C4orf46: variants seen among roughly 807,000 people sequenced by gnomAD.
C4orf46 encodes renal cancer differentiation gene 1 protein.
C4orf46 carries 8 observed loss-of-function variants against 9.1 expected under a neutral mutation model. The observed-to-expected ratio is 0.88, with a 90% confidence interval of 0.52 to 1.59. C4orf46 has a LOEUF of 1.59. C4orf46 is among the 40% of genes most tolerant of loss of function. C4orf46 has a pLI of 0.00. For missense variants in C4orf46, 151 were observed against 139.1 expected (o/e 1.09, Z -0.43); for synonymous variants, 51 against 58.8 (o/e 0.87, Z 0.61).
rs373406193 is a variant in C4orf46 at position 158,671,670 on chromosome 4, C to A, written c.132G>T (p.Arg44Ser). Residue 44 changes from arginine (R) to serine (S), a missense_variant, in exon 1 of 2, where the codon AGG becomes AGT. Coordinates refer to ENST00000379205, the MANE Select transcript of C4orf46 (RefSeq NM_001008393.4). Reference sequence around the variant, plus strand: ...GCTGGTCCACCGTTGGGCCGCTGCTCCTGCTCGGAACTGGCCAGCCCAAAC... The same window carrying A: ...GCTGGTCCACCGTTGGGCCGCTGCTACTGCTCGGAACTGGCCAGCCCAAAC... ...PVSLGWPVPS[R>S]SSGPTVDQLE... 1 of 1,609,104 alleles carries A rather than the reference C, an allele frequency of 6.2e-7. No individual in the cohort carries two copies. Among genetic ancestry groups the A allele is most frequent in the Non-Finnish European group, 8.5e-7 (1 of 1,177,228 alleles).
rs1773441543 is a variant in C4orf46 at position 158,668,662 on chromosome 4, G to T, written c.*951C>A. 1 of 152,148 alleles carries T rather than the reference G, an allele frequency of 6.6e-6. No individual in the cohort carries two copies. The highest frequency in any genetic ancestry group is 2.1e-4 in the South Asian group (1 of 4,830). 9.4% of individuals were successfully genotyped at this position (152,148 alleles called of 1,614,324 possible). A position where few individuals can be genotyped will look rare whatever the true frequency, so the allele number is the denominator to read the frequency against. On this transcript the variant is annotated 3_prime_UTR_variant, in exon 2 of 2. Transcript: ENST00000379205. ...TCACATCATTTAAATTTGATGCATT[G>T]CAAACAAAGTAACTTCTTTAGAATT...
In C4orf46 at chr4:158,671,695, C is replaced by G. The variant is rs1431310877; in HGVS notation, c.107G>C (p.Ser36Thr). ...CCTGCTCGGAACTGGCCAGCCCAAACTCACTGGGCCGCCCGGGGAAGATGC... is the reference window on the plus strand; with the variant it reads ...CCTGCTCGGAACTGGCCAGCCCAAAGTCACTGGGCCGCCCGGGGAAGATGC... ...SAASSPGGPVSLGWPVPSRSS... is the reference protein window; with the variant it reads ...SAASSPGGPVTLGWPVPSRSS... Residue 36 changes from serine (S) to threonine (T), a missense_variant, in exon 1 of 2, where the codon AGT becomes ACT. Coordinates refer to ENST00000379205, the MANE Select transcript of C4orf46 (RefSeq NM_001008393.4). 1 of 1,611,998 alleles carries G rather than the reference C, an allele frequency of 6.2e-7. No individual in the cohort carries two copies. Among genetic ancestry groups the G allele is most frequent in the Non-Finnish European group, 8.5e-7 (1 of 1,179,140 alleles).
Position 158,670,117 on chromosome 4 carries a change from G to A in C4orf46, c.187-349C>T, listed in dbSNP as rs563776914. Among the ~76,000 whole-genome samples, 15 of 134,080 alleles carry A rather than the reference G, an allele frequency of 1.1e-4. No homozygotes were observed. In the South Asian group the frequency reaches 2.3e-3, roughly 21 times the overall value. The allele number at this position is 134,080 out of a possible 152,430, so 88.0% of individuals were successfully genotyped here. A position where few individuals can be genotyped will look rare whatever the true frequency, so the allele number is the denominator to read the frequency against. On this transcript the variant is annotated intron_variant, in intron 1 of 1. Transcript: ENST00000379205. ...TGGTTCACTGCAACCTCCGCCTCCC[G>A]GGTTCAAGTGATTCTCCTGCCTCAG...
Position 158,671,664 on chromosome 4 carries a change from G to C in C4orf46, c.138C>G (p.Ser46Arg). ...CCTCCAGCTGGTCCACCGTTGGGCC[G>C]CTGCTCCTGCTCGGAACTGGCCAGC... is the stretch of plus-strand genomic sequence containing the variant. ...SLGWPVPSRS[S>R]GPTVDQLEEV... The change falls in exon 1 of 2, where the codon AGC (serine) becomes AGG (arginine). Residue 46 changes from serine to arginine, a missense_variant. Physicochemically the swap from Ser to Arg is moderately radical, Grantham distance 110. Coordinates refer to ENST00000379205, the MANE Select transcript of C4orf46 (RefSeq NM_001008393.4). 1 of 1,602,842 alleles carries C rather than the reference G, an allele frequency of 6.2e-7. No individual in the cohort carries two copies. Among genetic ancestry groups the C allele is most frequent in the Non-Finnish European group, 8.5e-7 (1 of 1,173,522 alleles).
At chr4:158,671,526 G>T (rs1773546208) in intron 1 of C4orf46, 90 bp downstream of exon 1, 2 of 1,315,838 alleles carry the variant, frequency 1.5e-6, no homozygotes, top group Non-Finnish European at 2.0e-6. Context: ...CATGGGGGTT[G>T]GGGGACCGAT....
chr4:158,670,653 A>C (rs1324572888), intron 1 of C4orf46, among the ~76,000 whole-genome samples: 1 of 152,250 alleles, frequency 6.6e-6, no homozygotes, highest in African/African-American at 2.4e-5. Flanking sequence ...ATAACACATT[A>C]GCACTTCATT....
chr4:158,666,923 T>TCTACA lies in C4orf46; in HGVS notation c.*2689_*2690insTGTAG, dbSNP rs1327925340. The stretch of plus-strand genomic sequence containing the variant: ...GTTTCTTGTTTGTAGATTCCTCTGG[T>TCTACA]GCTGTCTCAGCTGATTAGAGCCATC... On this transcript the variant is annotated 3_prime_UTR_variant, in exon 2 of 2. Coordinates refer to ENST00000379205, the MANE Select transcript of C4orf46 (RefSeq NM_001008393.4). 2 of 152,238 alleles carry TCTACA rather than the reference T, an allele frequency of 1.3e-5. No individual in the cohort carries two copies. The allele number at this position is 152,238 out of a possible 1,614,324, so 9.4% of individuals were successfully genotyped here.
rs2150297007 is a variant in C4orf46 at position 158,666,844 on chromosome 4, T to C, written c.*2769A>G. 6.6e-6 allele frequency: 1 copy of C among 152,336 alleles called. No individual in the cohort carries two copies. The highest frequency in any genetic ancestry group is 2.1e-4 in the South Asian group (1 of 4,830). The allele number at this position is 152,336 out of a possible 1,614,324, so 9.4% of individuals were successfully genotyped here. ...GTGACAAGACGAAGGAAAGCAGTTT[T>C]AGGCTTCCAGAGGCAGAAACTGTGG... On this transcript the variant is annotated 3_prime_UTR_variant, in exon 2 of 2. Coordinates refer to ENST00000379205, the MANE Select transcript of C4orf46 (RefSeq NM_001008393.4).
rs1396273744 is a variant in C4orf46 at position 158,669,736 on chromosome 4, G to A, written c.219C>T (p.Ala73=). The A allele has an allele frequency of 6.2e-7, 1 of 1,608,288 alleles. No individual in the cohort carries two copies. ...AAFSLTKLLE[A]TSAVSAQVEE... is the part of the protein sequence containing the mutation. ...CCACTTGAGCTGATACTGCAGATGT[G>A]GCTTCAAGAAGTTTGGTTAATGAAA... The change falls in exon 2 of 2, where the codon GCC becomes GCT. Residue 73 remains alanine (A), a synonymous_variant. Transcript: ENST00000379205.
chr4:158,670,352 T>C (rs989669517), intron 1 of C4orf46, among the ~76,000 whole-genome samples: 4 of 152,132 alleles, frequency 2.6e-5, no homozygotes, highest in Non-Finnish European at 4.4e-5. Flanking sequence ...GAAAATACAC[T>C]AGAGTCTCAG....
Position 158,667,637 on chromosome 4 carries a change from G to T in C4orf46, c.*1976C>A, listed in dbSNP as rs1773414883. 1 of 151,844 alleles carries T rather than the reference G, an allele frequency of 6.6e-6. No homozygotes were observed. The highest frequency in any genetic ancestry group is 6.6e-5 in the Admixed American group (1 of 15,222). The allele number at this position is 151,844 out of a possible 1,614,324, so 9.4% of individuals were successfully genotyped here. A position where few individuals can be genotyped will look rare whatever the true frequency, so the allele number is the denominator to read the frequency against. On this transcript the variant is annotated 3_prime_UTR_variant, in exon 2 of 2. Transcript: ENST00000379205. ...AGGATTGTTTGAGTCCAAGTTTAAG[G>T]TTACAGTGAGCTATGATCCTGCCAC...
Position 158,671,751 on chromosome 4 carries a change from G to A in C4orf46, c.51C>T (p.Pro17=), listed in dbSNP as rs1773559887. 6.4e-7 allele frequency: 1 copy of A among 1,573,102 alleles called. No individual in the cohort carries two copies. Among genetic ancestry groups the A allele is most frequent in the Non-Finnish European group, 8.6e-7 (1 of 1,159,756 alleles). The change falls in exon 1 of 2, where the codon CCC becomes CCT. Residue 17 remains proline, a synonymous_variant. Transcript: ENST00000379205. ...LQVSSPPPPP[P]SSPSSSDASA... Reference sequence around the variant, plus strand: ...AGGCGTCTGAAGAGGAGGGAGAAGAGGGAGGCGGCGGGGGCGGCGAAGAAA... The same window carrying A: ...AGGCGTCTGAAGAGGAGGGAGAAGAAGGAGGCGGCGGGGGCGGCGAAGAAA...
rs1773405555 is a variant in C4orf46, at chr4:158,667,342, A to C, written c.*2271T>G. Reference sequence around the variant, plus strand: ...AATTTTGTAACTTTTGGAAGGCTGAATAGGACTATTTTTATGACATTTCCT... The same window carrying C: ...AATTTTGTAACTTTTGGAAGGCTGACTAGGACTATTTTTATGACATTTCCT... On this transcript the variant is annotated 3_prime_UTR_variant, in exon 2 of 2. Coordinates refer to ENST00000379205, the MANE Select transcript of C4orf46 (RefSeq NM_001008393.4). The C allele has an allele frequency of 6.6e-6, 1 of 152,250 alleles. No individual in the cohort carries two copies. Among genetic ancestry groups the C allele is most frequent in the South Asian group, 2.1e-4 (1 of 4,834 alleles). 9.4% of individuals were successfully genotyped at this position (152,250 alleles called of 1,614,324 possible). A position where few individuals can be genotyped will look rare whatever the true frequency, so the allele number is the denominator to read the frequency against.
rs1415937004 is a variant in C4orf46, at chr4:158,671,809, G to A, written c.-8C>T. The A allele has an allele frequency of 6.6e-7, 1 of 1,503,884 alleles. No individual in the cohort carries two copies. Among genetic ancestry groups the A allele is most frequent in the Admixed American group, 2.3e-5 (1 of 43,266 alleles). The allele number at this position is 1,503,884 out of a possible 1,614,324, so 93.2% of individuals were successfully genotyped here. A position where few individuals can be genotyped will look rare whatever the true frequency, so the allele number is the denominator to read the frequency against. ...CTCCTCAGGGTCGGCCATGGGGAAG[G>A]GTTGGGACCGCGGAATCCGACCCGA... is the stretch of plus-strand genomic sequence containing the variant. On this transcript the variant is annotated 5_prime_UTR_variant, in exon 1 of 2. Transcript: ENST00000379205.
At position 158,667,968 on chromosome 4, in the gene C4orf46, T is replaced by A. The variant is rs1773425351; in HGVS notation, c.*1645A>T. On this transcript the variant is annotated 3_prime_UTR_variant, in exon 2 of 2. Coordinates refer to ENST00000379205, the MANE Select transcript of C4orf46 (RefSeq NM_001008393.4). ...TATTATGCCCCCTCTAGTGGTTACCTCTGGGGACTCTGGGGAGGGAGGAAC... is the reference window on the plus strand; with the variant it reads ...TATTATGCCCCCTCTAGTGGTTACCACTGGGGACTCTGGGGAGGGAGGAAC... 1 of 152,184 alleles carries A rather than the reference T, an allele frequency of 6.6e-6. No individual in the cohort carries two copies. The highest frequency in any genetic ancestry group is 1.5e-5 in the Non-Finnish European group (1 of 68,032). The allele number at this position is 152,184 out of a possible 1,614,324, so 9.4% of individuals were successfully genotyped here.
chr4:158,668,491 T>C lies in C4orf46; in HGVS notation c.*1122A>G, dbSNP rs1244477290. On this transcript the variant is annotated 3_prime_UTR_variant, in exon 2 of 2. Coordinates refer to ENST00000379205, the MANE Select transcript of C4orf46 (RefSeq NM_001008393.4). Reference sequence around the variant, plus strand: ...TCTCCATATCTACAAAGAATTAAGATGTTGTATCAAAAATGTCCAGAAGTT... The same window carrying C: ...TCTCCATATCTACAAAGAATTAAGACGTTGTATCAAAAATGTCCAGAAGTT... 6.6e-6 allele frequency: 1 copy of C among 152,570 alleles called. No homozygotes were observed. The highest frequency in any genetic ancestry group is 2.4e-5 in the African/African-American group (1 of 41,466). 9.5% of individuals were successfully genotyped at this position (152,570 alleles called of 1,614,324 possible).
In C4orf46 at chr4:158,671,805, G is replaced by C; in HGVS notation, c.-4C>G. 6.5e-7 allele frequency: 1 copy of C among 1,533,316 alleles called. No individual in the cohort carries two copies. Among genetic ancestry groups the C allele is most frequent in the Non-Finnish European group, 8.8e-7 (1 of 1,137,612 alleles). 95.0% of individuals were successfully genotyped at this position (1,533,316 alleles called of 1,614,324 possible). On this transcript the variant is annotated 5_prime_UTR_variant, in exon 1 of 2. Coordinates refer to ENST00000379205, the MANE Select transcript of C4orf46 (RefSeq NM_001008393.4). ...GCAACTCCTCAGGGTCGGCCATGGGGAAGGGTTGGGACCGCGGAATCCGAC... is the reference window on the plus strand; with the variant it reads ...GCAACTCCTCAGGGTCGGCCATGGGCAAGGGTTGGGACCGCGGAATCCGAC...
In C4orf46 at chr4:158,669,563, T is replaced by A. The variant is rs953644135; in HGVS notation, c.*50A>T. On this transcript the variant is annotated 3_prime_UTR_variant, in exon 2 of 2. Coordinates refer to ENST00000379205, the MANE Select transcript of C4orf46 (RefSeq NM_001008393.4). Reference sequence around the variant, plus strand: ...TGTGGTACATGTACAAAATATGACATAAGAAGTATGAATTATTGCAGTCAT... The same window carrying A: ...TGTGGTACATGTACAAAATATGACAAAAGAAGTATGAATTATTGCAGTCAT... The A allele has an allele frequency of 3.2e-6, 5 of 1,578,346 alleles. No individual in the cohort carries two copies. Among genetic ancestry groups the A allele is most frequent in the Non-Finnish European group, 4.3e-6 (5 of 1,151,178 alleles).
rs1485310461 is a variant in C4orf46, at chr4:158,671,748, A to C, written c.54T>G (p.Ser18=). The C allele has an allele frequency of 6.3e-7, 1 of 1,580,998 alleles. No individual in the cohort carries two copies. The highest frequency in any genetic ancestry group is 1.3e-5 in the African/African-American group (1 of 74,118). Residue 18 remains serine (S), a synonymous_variant, in exon 1 of 2, where the codon TCT becomes TCG. Transcript: ENST00000379205. ...QVSSPPPPPP[S]SPSSSDASAA... ...CAGAGGCGTCTGAAGAGGAGGGAGA[A>C]GAGGGAGGCGGCGGGGGCGGCGAAG...
Sources: allele counts gnomAD v4.1 joint callset (sites outside exome capture counted in the v4.1 genomes callset), GRCh38; gene constraint gnomAD v4.1.1; transcripts MANE v1.5; gene names NCBI Gene and HGNC (gene_info 2026-07-23, HGNC 2026-07-21).